Variants in TBL1X observed in about 807,000 individuals in gnomAD.
TBL1X encodes transducin beta like 1 X-linked.
TBL1X carries 10 observed loss-of-function variants against 50.7 expected under a neutral mutation model. The observed-to-expected ratio is 0.20, with a 90% CI of 0.12 to 0.33. The LOEUF (loss-of-function observed/expected upper bound fraction) is 0.33. Among genes scored for constraint, TBL1X ranks in the 10% least tolerant of loss-of-function variants. The probability of loss-of-function intolerance (pLI) is 1.00; values close to 1 mark genes in which losing one functional copy is unlikely to be tolerated. For synonymous variants in TBL1X, 190 were observed against 214.7 expected (o/e 0.88, Z 1.01); for missense variants, 340 against 504.4 (o/e 0.67, Z 3.12).
intron 2 of TBL1X, among the ~76,000 whole-genome samples, chrX:9,613,116 T>C (rs1339872740): frequency 1.8e-5 from 2 of 111,860 alleles, no homozygotes; most frequent in South Asian, 3.7e-4. Context: ...CTAGGAGTTT[T>C]AAACTAGGAT....
At chrX:9,610,367 A>G (rs936719300) in intron 2 of TBL1X, among the ~76,000 whole-genome samples, 1 of 112,815 alleles carries the variant, frequency 8.9e-6, no homozygotes, top group Non-Finnish European at 1.9e-5. Context: ...TGTTATTATA[A>G]ATTGGCAAGC....
At chrX:9,696,687 C>T (rs1327002883) in intron 11 of TBL1X, among the ~76,000 whole-genome samples, 2 of 112,465 alleles carry the variant, frequency 1.8e-5, no homozygotes, top group Admixed American at 9.4e-5. Context: ...CAGAAATGCT[C>T]GTCTCTGCAG....
intron 7 of TBL1X, among the ~76,000 whole-genome samples, chrX:9,688,662 C>T (rs183012808): frequency 8.9e-6 from 1 of 112,833 alleles, no homozygotes; most frequent in Admixed American, 9.3e-5. Flanking sequence ...CAGTTCCTGC[C>T]AAGGGCACTG....
chrX:9,641,052 G>T (rs1398706195), intron 3 of TBL1X, among the ~76,000 whole-genome samples: 2 of 112,259 alleles, frequency 1.8e-5, no homozygotes, highest in African/African-American at 6.5e-5. Flanking sequence ...CAATTATGCA[G>T]ACAAGTTAAT....
In TBL1X at chrX:9,672,266, A is replaced by T. The variant is rs745858709; in HGVS notation, c.212-11777A>T. Among the ~76,000 whole-genome samples, 5 of 112,108 alleles carry T rather than the reference A, an allele frequency of 4.5e-5. No individual in the cohort carries two copies. In the East Asian group the frequency reaches 1.4e-3, roughly 31 times the overall value. ...CTGTTTTAGATAAGATGAAATAGCC[A>T]CTCACCAAGGTGCCTGTCTTCCGAG... On this transcript the variant is annotated intron_variant, in intron 5 of 17. Transcript: ENST00000645353.
chrX:9,673,055 A>G (rs2082969851), intron 5 of TBL1X, among the ~76,000 whole-genome samples: 1 of 111,609 alleles, frequency 9.0e-6, no homozygotes, highest in Non-Finnish European at 1.9e-5. Flanking sequence ...TCTCTTGTAT[A>G]AGGACACTCA....
intron 2 of TBL1X, among the ~76,000 whole-genome samples, chrX:9,561,146 C>T (rs1432626070): frequency 2.7e-5 from 3 of 111,252 alleles, no homozygotes; most frequent in Non-Finnish European, 3.8e-5. Context: ...CAAACCGCAC[C>T]CCACCCCGAC....
intron 2 of TBL1X, among the ~76,000 whole-genome samples, chrX:9,529,803 C>A (rs1257063399): frequency 2.8e-5 from 3 of 106,481 alleles, no homozygotes; most frequent in African/African-American, 1.0e-4. Flanking sequence ...AAAAAATGAC[C>A]AGGTATGGTG....
At chrX:9,663,159 A>ATATTAT (rs2082908343) in intron 5 of TBL1X, among the ~76,000 whole-genome samples, 1 of 111,590 alleles carries the variant, frequency 9.0e-6, no homozygotes. Flanking sequence ...TTACATGATA[A>ATATTAT]GGGCTTTTTC....
chrX:9,558,533 GAA>G (rs912580160), intron 2 of TBL1X, among the ~76,000 whole-genome samples: 30 of 106,680 alleles, frequency 2.8e-4, no homozygotes, highest in Admixed American at 6.1e-4. Context: ...AAAAAGGAAG[GAA>G]AAAAAAATAT....
chrX:9,694,995 T>TAAATAAATAAATAAATAAAA (rs1349798868), intron 11 of TBL1X, among the ~76,000 whole-genome samples: 8 of 111,108 alleles, frequency 7.2e-5, no homozygotes, highest in African/African-American at 2.6e-4. Flanking sequence ...AATAAATAAA[T>TAAATAAATAAATAAATAAAA]AAAATGATAG....
intron 2 of TBL1X, among the ~76,000 whole-genome samples, chrX:9,596,638 A>G (rs1294910814): frequency 1.8e-5 from 2 of 111,540 alleles, no homozygotes; most frequent in Non-Finnish European, 3.8e-5. Flanking sequence ...GAACATGTCT[A>G]CAGACACTGC....
At chrX:9,535,489 C>T (rs1048798972) in intron 2 of TBL1X, among the ~76,000 whole-genome samples, 1 of 112,323 alleles carries the variant, frequency 8.9e-6, no homozygotes. Flanking sequence ...CCCCTGCATA[C>T]CTGATCGTGA....
At chrX:9,690,920 G>T (rs1338245021) in intron 7 of TBL1X, among the ~76,000 whole-genome samples, 2 of 110,465 alleles carry the variant, frequency 1.8e-5, no homozygotes, top group Non-Finnish European at 3.8e-5. Flanking sequence ...TGTTGTTGTT[G>T]TTTTTATAGA....
chrX:9,645,248 C>G (rs1221648360), intron 3 of TBL1X: 4 of 111,803 alleles, frequency 3.6e-5, no homozygotes, highest in African/African-American at 1.3e-4. Flanking sequence ...GGGCATGCCT[C>G]CACACCTAGC....
chrX:9,474,784 T>C (rs2081839213), intron 1 of TBL1X, among the ~76,000 whole-genome samples: 1 of 112,985 alleles, frequency 8.9e-6, no homozygotes, highest in South Asian at 3.6e-4. Flanking sequence ...GCAGAAATGG[T>C]TCAGAATTTC....
intron 2 of TBL1X, among the ~76,000 whole-genome samples, chrX:9,527,784 A>G (rs780942040): frequency 1.8e-5 from 2 of 110,105 alleles, no homozygotes; most frequent in Non-Finnish European, 3.8e-5. Context: ...CATCACCGCC[A>G]TTCATAACTC....
At chrX:9,680,534 G>T (rs1158760787) in intron 5 of TBL1X, among the ~76,000 whole-genome samples, 1 of 111,340 alleles carries the variant, frequency 9.0e-6, no homozygotes, top group East Asian at 2.8e-4. Flanking sequence ...AACGAGGACA[G>T]AACCCAGCCA....
chrX:9,523,932 A>G (rs940991449), intron 2 of TBL1X, among the ~76,000 whole-genome samples: 3 of 101,786 alleles, frequency 2.9e-5, no homozygotes, highest in South Asian at 8.9e-4. Context: ...GGTAAAATAC[A>G]TGTAATATAA....
Sources: allele counts gnomAD v4.1 joint callset (sites outside exome capture counted in the v4.1 genomes callset), GRCh38; gene constraint gnomAD v4.1.1; transcripts MANE v1.5; gene names NCBI Gene and HGNC (gene_info 2026-07-23, HGNC 2026-07-21).